Variants in HMGCLL1 observed in about 807,000 individuals in gnomAD.
HMGCLL1 encodes 3-hydroxy-3-methylglutaryl-CoA lyase like 1, also known as 3-hydroxymethyl-3-methylglutaryl-CoA lyase, cytoplasmic.
A neutral mutation model predicts 39.1 loss-of-function variants in HMGCLL1; 36 were observed. The observed-to-expected ratio is 0.92, with a 90% CI of 0.71 to 1.22. The LOEUF (loss-of-function observed/expected upper bound fraction) is 1.22. HMGCLL1 is among the 50% of genes most tolerant of loss of function. The probability of loss-of-function intolerance (pLI) is 0.00; values close to 1 mark genes in which losing one functional copy is unlikely to be tolerated. For synonymous variants in HMGCLL1, 149 were observed against 144.0 expected (o/e 1.03, Z -0.25); for missense variants, 451 against 416.5 (o/e 1.08, Z -0.72).
rs149203194 is a variant in HMGCLL1, at chr6:55,514,585, A to T, written c.394-389T>A. On this transcript the variant is annotated intron_variant, in intron 4 of 8. Coordinates refer to ENST00000274901, the MANE Select transcript of HMGCLL1 (RefSeq NM_001042406.2). ...TCCAAACCAATTATTAAAATGGAAG[A>T]TACTAACTACTTTGTTTATCTTCTC... 2.5e-4 allele frequency among the ~76,000 whole-genome samples: 38 copies of T among 152,310 alleles called. 2 individuals are homozygous for T. The East Asian group carries it at 7.3e-3, about 29-fold the overall frequency.
At position 55,495,551 on chromosome 6, in the gene HMGCLL1, A is replaced by G. The variant is rs112583033; in HGVS notation, c.663T>C (p.Ile221=). 204 of 1,613,942 alleles carry G rather than the reference A, an allele frequency of 1.3e-4. No homozygotes were observed. The African/African-American group carries it at 2.3e-3, about 18-fold the overall frequency. The change falls in exon 7 of 9, where the codon ATT becomes ATC. Residue 221 remains isoleucine (I), a synonymous_variant. Transcript: ENST00000274901. ...GCYEISLGDT[I]GVGTPGSMKR... ...TCATACTTCCTGGAGTTCCCACTCC[A>G]ATTGTGTCTCCTAGAGAGATCTCAT...
chr6:55,450,480 A>C (rs1257204814), intron 7 of HMGCLL1, among the ~76,000 whole-genome samples: 1 of 152,248 alleles, frequency 6.6e-6, no homozygotes, highest in African/African-American at 2.4e-5. Context: ...ACCAATTAAC[A>C]GGCTTGTTGA....
intron 3 of HMGCLL1, among the ~76,000 whole-genome samples, chr6:55,525,616 A>T (rs1768278314): frequency 6.6e-6 from 1 of 151,976 alleles, no homozygotes; most frequent in Non-Finnish European, 1.5e-5. Flanking sequence ...TGAAGGGTCC[A>T]GTGTGCTTAG....
chr6:55,673,998 T>G, the HMGCLL1 span, among the ~76,000 whole-genome samples: 1 of 151,974 alleles, frequency 6.6e-6, no homozygotes. Context: ...TATACAAAAT[T>G]GTGTTGATAT....
intron 3 of HMGCLL1, among the ~76,000 whole-genome samples, chr6:55,523,650 C>T (rs564187418): frequency 2.2e-4 from 33 of 151,826 alleles, no homozygotes; most frequent in Non-Finnish European, 3.7e-4. Flanking sequence ...ATATAAAACC[C>T]AGTATATCAT....
chr6:55,656,103 G>A, the HMGCLL1 span, among the ~76,000 whole-genome samples: 1 of 151,794 alleles, frequency 6.6e-6, no homozygotes, highest in Non-Finnish European at 1.5e-5. Context: ...TTCCTATCGG[G>A]AATTTTTTTC....
rs1261928886 is a variant in HMGCLL1, at chr6:55,543,435, TC to T, written c.109-1296del. ...AATCATATATGATATATATCATATA[TC>T]ATATATGATATATATGATATATATC... is the stretch of plus-strand genomic sequence containing the variant. On this transcript the variant is annotated intron_variant, in intron 1 of 8. Transcript: ENST00000274901. 6.0e-4 allele frequency among the ~76,000 whole-genome samples: 32 copies of T among 53,694 alleles called. No individual in the cohort carries two copies. The South Asian group carries it at 9.2e-3, about 15-fold the overall frequency. The allele number at this position is 53,694 out of a possible 152,430, so 35.2% of individuals were successfully genotyped here. A position where few individuals can be genotyped will look rare whatever the true frequency, so the allele number is the denominator to read the frequency against.
intron 3 of HMGCLL1, among the ~76,000 whole-genome samples, chr6:55,527,259 C>A (rs1009315707): frequency 2.0e-5 from 3 of 152,054 alleles, no homozygotes; most frequent in Admixed American, 2.0e-4. Flanking sequence ...ATCTCTCAAA[C>A]TGAATCCATC....
At chr6:55,436,346 T>TA (rs1441335542) in intron 8 of HMGCLL1, among the ~76,000 whole-genome samples, 1 of 152,028 alleles carries the variant, frequency 6.6e-6, no homozygotes, top group Non-Finnish European at 1.5e-5. Context: ...CTGGAACTTG[T>TA]TCGCCTGAGA....
chr6:55,674,920 G>C, the HMGCLL1 span, among the ~76,000 whole-genome samples: 1 of 152,030 alleles, frequency 6.6e-6, no homozygotes, highest in Non-Finnish European at 1.5e-5. Context: ...ATGATCCCAT[G>C]TTCTTTTGGA....
the HMGCLL1 span, among the ~76,000 whole-genome samples, chr6:55,627,049 GAAAAAAAA>G: frequency 1.2e-3 from 105 of 85,818 alleles, 1 homozygote; most frequent in South Asian, 0.014. Context: ...CACTCCACCA[GAAAAAAAA>G]AAAAAAAAAA....
At chr6:55,610,284 C>T in the HMGCLL1 span, among the ~76,000 whole-genome samples, 8 of 151,432 alleles carry the variant, frequency 5.3e-5, no homozygotes, top group South Asian at 4.2e-4. Flanking sequence ...CTAAGTACCA[C>T]GATAAAAGGT....
the HMGCLL1 span, among the ~76,000 whole-genome samples, chr6:55,672,934 G>C: frequency 6.6e-6 from 1 of 151,844 alleles, no homozygotes; most frequent in Admixed American, 6.6e-5. Flanking sequence ...TTTTTCTTAA[G>C]TATGTCAGGA....
the HMGCLL1 span, among the ~76,000 whole-genome samples, chr6:55,636,975 TA>T: frequency 1.3e-5 from 2 of 152,166 alleles, no homozygotes; most frequent in African/African-American, 4.8e-5. Flanking sequence ...ATAAGTGTGA[TA>T]ATAAAATTAC....
chr6:55,622,112 G>T, the HMGCLL1 span, among the ~76,000 whole-genome samples: 4 of 151,880 alleles, frequency 2.6e-5, no homozygotes, highest in Non-Finnish European at 5.9e-5. Flanking sequence ...ACTGATTTTT[G>T]TATATTGACT....
At chr6:55,461,482 T>C (rs1465737884) in intron 7 of HMGCLL1, among the ~76,000 whole-genome samples, 1 of 152,028 alleles carries the variant, frequency 6.6e-6, no homozygotes, top group Non-Finnish European at 1.5e-5. Flanking sequence ...TATATGAAGA[T>C]GCTGCTAAAT....
intron 1 of HMGCLL1, among the ~76,000 whole-genome samples, chr6:55,569,701 C>T (rs1371904083): frequency 2.6e-5 from 4 of 152,014 alleles, no homozygotes; most frequent in African/African-American, 9.7e-5. Flanking sequence ...TACAAAAGTC[C>T]TTATAATAAG....
chr6:55,667,200 C>T, the HMGCLL1 span, among the ~76,000 whole-genome samples: 1 of 151,680 alleles, frequency 6.6e-6, no homozygotes, highest in Non-Finnish European at 1.5e-5. Context: ...AAGAGTGCAT[C>T]ACAAATCACA....
At chr6:55,642,296 T>C in the HMGCLL1 span, among the ~76,000 whole-genome samples, 5 of 151,560 alleles carry the variant, frequency 3.3e-5, no homozygotes, top group Admixed American at 6.6e-5. Flanking sequence ...ATTTTCTTAA[T>C]CCAGTCTATC....
Sources: gnomAD v4.1 joint callset for allele counts (sites outside exome capture counted in the v4.1 genomes callset) on GRCh38, gnomAD v4.1.1 for gene constraint, MANE v1.5 for transcripts, NCBI Gene and HGNC (gene_info 2026-07-23, HGNC 2026-07-21) for gene names.